AKAP19: variants seen among roughly 807,000 people sequenced by gnomAD.
AKAP19 encodes the protein small A-kinase anchoring protein.
chr2:190,197,740 AT>A, the AKAP19 span, among the ~76,000 whole-genome samples: 1 of 152,158 alleles, frequency 6.6e-6, no homozygotes, highest in African/African-American at 2.4e-5. The surrounding 1 kb of genome is among the most constrained non-coding windows in gnomAD (Gnocchi z 4.0). Context: ...GGCAACATAT[AT>A]TTTGTCTGGT....
At chr2:190,128,322 G>A in the AKAP19 span, among the ~76,000 whole-genome samples, 5 of 152,160 alleles carry the variant, frequency 3.3e-5, no homozygotes, top group African/African-American at 7.2e-5. Flanking sequence ...AATATACAGA[G>A]GGTGTTTTTA....
the AKAP19 span, among the ~76,000 whole-genome samples, chr2:190,017,643 A>T: frequency 6.6e-6 from 1 of 152,146 alleles, no homozygotes; most frequent in African/African-American, 2.4e-5. Context: ...AGCTGTTTTC[A>T]TAGATTTGTC....
chr2:190,112,427 C>T, the AKAP19 span, among the ~76,000 whole-genome samples: 1 of 152,066 alleles, frequency 6.6e-6, no homozygotes, highest in Non-Finnish European at 1.5e-5. Flanking sequence ...TGGCCAGGAC[C>T]TACAGTATTC....
the AKAP19 span, chr2:189,923,861 A>G: frequency 6.2e-7 from 1 of 1,610,926 alleles, no homozygotes; most frequent in East Asian, 2.2e-5. Flanking sequence ...TGGAAAGTTG[A>G]AAGGAGATGA....
At chr2:190,081,987 A>G in the AKAP19 span, among the ~76,000 whole-genome samples, 34 of 152,104 alleles carry the variant, frequency 2.2e-4, no homozygotes, top group Non-Finnish European at 4.1e-4. Flanking sequence ...TGAAGACTCT[A>G]CCACTGATAC....
chr2:190,080,362 A>G, the AKAP19 span, among the ~76,000 whole-genome samples: 1 of 152,252 alleles, frequency 6.6e-6, no homozygotes. Flanking sequence ...AGATATGTTA[A>G]CATAGAAGGT....
the AKAP19 span, among the ~76,000 whole-genome samples, chr2:190,051,822 T>TTTTTTTTATTTATTTATTTATTTATTTA: frequency 2.7e-5 from 4 of 149,660 alleles, no homozygotes; most frequent in African/African-American, 7.5e-5. Flanking sequence ...TTTTTTTATT[T>TTTTTTTTATTTATTTATTTATTTATTTA]TTTATTTATT....
At chr2:189,900,571 A>G in the AKAP19 span, among the ~76,000 whole-genome samples, 1 of 152,000 alleles carries the variant, frequency 6.6e-6, no homozygotes, top group Non-Finnish European at 1.5e-5. Flanking sequence ...TAGTAATTCT[A>G]TTTTTCTTGT....
chr2:190,070,328 G>T, the AKAP19 span, among the ~76,000 whole-genome samples: 1 of 151,394 alleles, frequency 6.6e-6, no homozygotes, highest in African/African-American at 2.4e-5. Context: ...CTATATTCTT[G>T]AAATTTAACA....
chr2:190,048,848 C>T, the AKAP19 span, among the ~76,000 whole-genome samples: 27 of 152,110 alleles, frequency 1.8e-4, no homozygotes, highest in African/African-American at 6.3e-4. Flanking sequence ...ACTAAATAAT[C>T]ATGCTGAAGA....
At chr2:190,089,879 G>A in the AKAP19 span, among the ~76,000 whole-genome samples, 1 of 152,154 alleles carries the variant, frequency 6.6e-6, no homozygotes, top group African/African-American at 2.4e-5. Flanking sequence ...TGCCCCAAAT[G>A]CCCTCCACAA....
chr2:190,095,221 C>A, the AKAP19 span, among the ~76,000 whole-genome samples: 25 of 148,382 alleles, frequency 1.7e-4, no homozygotes, highest in Non-Finnish European at 3.4e-4. Flanking sequence ...GACTCTGTCT[C>A]AAAAAAAAAG....
At chr2:189,956,198 C>T in the AKAP19 span, among the ~76,000 whole-genome samples, 2 of 52,746 alleles carry the variant, frequency 3.8e-5, no homozygotes, top group Admixed American at 2.7e-4. Context: ...GAGACGGAGT[C>T]TCGCTCTGTC....
At chr2:190,051,267 T>C in the AKAP19 span, among the ~76,000 whole-genome samples, 1 of 152,242 alleles carries the variant, frequency 6.6e-6, no homozygotes, top group African/African-American at 2.4e-5. Context: ...TCTTGTCCAA[T>C]TTCCTATAAG....
At chr2:190,039,684 T>C in the AKAP19 span, among the ~76,000 whole-genome samples, 1 of 151,660 alleles carries the variant, frequency 6.6e-6, no homozygotes, top group African/African-American at 2.4e-5. Flanking sequence ...CCCTCTCCCC[T>C]CAAGTAGACC....
the AKAP19 span, among the ~76,000 whole-genome samples, chr2:189,993,048 A>G: frequency 2.6e-5 from 4 of 152,236 alleles, no homozygotes; most frequent in African/African-American, 9.7e-5. Flanking sequence ...GACTTCCAGT[A>G]TAATATTGAA....
chr2:190,038,938 T>TTCTTCC, the AKAP19 span, among the ~76,000 whole-genome samples: 176 of 137,870 alleles, frequency 1.3e-3, 4 homozygotes, highest in African/African-American at 5.5e-3. Flanking sequence ...CTTCTTCTTC[T>TTCTTCC]TCTTCTTCTT....
At chr2:190,019,965 T>C in the AKAP19 span, among the ~76,000 whole-genome samples, 1 of 152,210 alleles carries the variant, frequency 6.6e-6, no homozygotes, top group South Asian at 2.1e-4. Flanking sequence ...CTTTCTGTAG[T>C]GTGTAGTGAG....
the AKAP19 span, among the ~76,000 whole-genome samples, chr2:189,938,785 A>G: frequency 1.3e-5 from 2 of 152,214 alleles, no homozygotes; most frequent in Non-Finnish European, 2.9e-5. Flanking sequence ...TGATGTAATT[A>G]TTACACATTG....
Sources: gnomAD v4.1 joint callset for allele counts (sites outside exome capture counted in the v4.1 genomes callset) on GRCh38, gnomAD v4.1.1 for gene constraint, Gnocchi (gnomAD v3.1) non-coding constraint, MANE v1.5 for transcripts, NCBI Gene and HGNC (gene_info 2026-07-23, HGNC 2026-07-21) for gene names.